The following KHDRBS2 variants were observed in gnomAD, a reference collection of about 807,000 sequenced individuals.
The protein encoded by KHDRBS2 is KH RNA binding domain containing, signal transduction associated 2, also known as KH domain-containing, RNA-binding, signal transduction-associated protein 2.
KHDRBS2 carries 26 observed loss-of-function variants against 44.3 expected under a neutral mutation model. The observed-to-expected ratio is 0.59, with a 90% confidence interval of 0.43 to 0.81. KHDRBS2 has a LOEUF of 0.81. KHDRBS2 is among the 40% of genes least tolerant of loss of function. The probability of loss-of-function intolerance (pLI) is 0.00; values close to 1 mark genes in which losing one functional copy is unlikely to be tolerated. For missense variants in KHDRBS2, 476 were observed against 433.1 expected, an observed-to-expected ratio of 1.10 and a Z score of -0.88; for synonymous variants, 194 against 151.1, an observed-to-expected ratio of 1.28 and a Z score of -2.08.
the KHDRBS2 span, among the ~76,000 whole-genome samples, chr6:61,575,078 A>G: frequency 2.6e-5 from 4 of 152,256 alleles, no homozygotes; most frequent in Non-Finnish European, 5.9e-5. Flanking sequence ...CCAAGAACCC[A>G]AAAGCAAATA....
At chr6:61,677,832 GCCTATTCC>G (rs1227070036), downstream of KHDRBS2, among the ~76,000 whole-genome samples, 1 of 151,756 alleles carries the variant, frequency 6.6e-6, no homozygotes, top group African/African-American at 2.4e-5. Context: ...AACTGAGACA[GCCTATTCC>G]CCTCACCAGG....
At chr6:62,068,736 C>T (rs899484181) in intron 2 of KHDRBS2, among the ~76,000 whole-genome samples, 1 of 151,468 alleles carries the variant, frequency 6.6e-6, no homozygotes. Flanking sequence ...TTCCCAGTAC[C>T]ATTTGTTGAA....
chr6:61,707,875 C>T (rs181329039), intron 7 of KHDRBS2, among the ~76,000 whole-genome samples: 172 of 151,726 alleles, frequency 1.1e-3, no homozygotes, highest in African/African-American at 3.9e-3. Context: ...ATATTCTATA[C>T]GTAACTGCTA....
intron 2 of KHDRBS2, among the ~76,000 whole-genome samples, chr6:62,109,317 C>A (rs1479514601): frequency 6.6e-6 from 1 of 151,850 alleles, no homozygotes; most frequent in African/African-American, 2.4e-5. Context: ...AAAAAAAGTA[C>A]TTTCCAATCT....
intron 2 of KHDRBS2, among the ~76,000 whole-genome samples, chr6:62,139,388 T>C (rs1584917725): frequency 1.3e-5 from 2 of 151,918 alleles, no homozygotes; most frequent in African/African-American, 4.8e-5. Context: ...CCGTCTCTAC[T>C]AAAAATACAA....
At chr6:61,855,486 A>G (rs1320181561) in intron 6 of KHDRBS2, among the ~76,000 whole-genome samples, 1 of 96,344 alleles carries the variant, frequency 1.0e-5, no homozygotes, top group Admixed American at 9.7e-5. Context: ...ATGTGTGTGT[A>G]TATGTATATA....
chr6:61,763,236 A>G (rs1483932893), intron 6 of KHDRBS2, among the ~76,000 whole-genome samples: 1 of 152,192 alleles, frequency 6.6e-6, no homozygotes, highest in Non-Finnish European at 1.5e-5. Flanking sequence ...TTTGATCACT[A>G]GAGTGTTCTT....
At chr6:62,111,133 T>C (rs914886654) in intron 2 of KHDRBS2, among the ~76,000 whole-genome samples, 3 of 152,126 alleles carry the variant, frequency 2.0e-5, no homozygotes, top group Admixed American at 2.0e-4. Context: ...CACTATATGC[T>C]TTGTAGATAT....
intron 6 of KHDRBS2, among the ~76,000 whole-genome samples, chr6:61,868,949 T>C (rs1798193742): frequency 6.6e-6 from 1 of 152,162 alleles, no homozygotes; most frequent in Admixed American, 6.5e-5. Context: ...GCTCTGTATG[T>C]TGGACCCAAG....
intron 3 of KHDRBS2, among the ~76,000 whole-genome samples, chr6:62,004,072 C>T (rs2127261904): frequency 6.6e-6 from 1 of 152,038 alleles, no homozygotes; most frequent in East Asian, 1.9e-4. Flanking sequence ...AAATTGACAC[C>T]CTAACATCAG....
rs546176615 is a variant in KHDRBS2, at chr6:62,169,466, G to A, written c.219+7719C>T. Among the ~76,000 whole-genome samples, 29 of 152,108 alleles carry A rather than the reference G, an allele frequency of 1.9e-4. No homozygotes were observed. The East Asian group carries it at 4.7e-3, about 25-fold the overall frequency. On this transcript the variant is annotated intron_variant, in intron 2 of 8. Transcript: ENST00000281156. ...CTCATGTGTACTGCTCTCATGGAGAGGAAAGAAAAGGGCTAGTGAACACTG... is the reference window on the plus strand; with the variant it reads ...CTCATGTGTACTGCTCTCATGGAGAAGAAAGAAAAGGGCTAGTGAACACTG...
At chr6:61,606,102 C>T in the KHDRBS2 span, among the ~76,000 whole-genome samples, 6 of 152,144 alleles carry the variant, frequency 3.9e-5, no homozygotes, top group Non-Finnish European at 8.8e-5. Flanking sequence ...GAGAACAACC[C>T]CCTTTGACTG....
At chr6:62,212,800 T>C (rs369408711) in intron 1 of KHDRBS2, among the ~76,000 whole-genome samples, 1 of 152,118 alleles carries the variant, frequency 6.6e-6, no homozygotes, top group African/African-American at 2.4e-5. Flanking sequence ...AGAACTGTAA[T>C]ACAATAAATC....
chr6:62,252,058 T>C (rs1305322845), intron 1 of KHDRBS2, among the ~76,000 whole-genome samples: 1 of 151,876 alleles, frequency 6.6e-6, no homozygotes, highest in East Asian at 1.9e-4. Flanking sequence ...CATAATAATA[T>C]TTATTGACTA....
intron 1 of KHDRBS2, among the ~76,000 whole-genome samples, chr6:62,244,243 T>G (rs1585388962): frequency 1.3e-5 from 2 of 152,290 alleles, no homozygotes; most frequent in East Asian, 3.9e-4. Flanking sequence ...AAACCTGAGA[T>G]ATTTCTGTAT....
chr6:62,169,040 T>A (rs1195727831), intron 2 of KHDRBS2, among the ~76,000 whole-genome samples: 1 of 138,622 alleles, frequency 7.2e-6, no homozygotes, highest in Admixed American at 7.2e-5. Context: ...CAGTCATATA[T>A]ATATATATAT....
intron 6 of KHDRBS2, among the ~76,000 whole-genome samples, chr6:61,832,121 C>A (rs866712582): frequency 1.3e-5 from 2 of 152,126 alleles, no homozygotes; most frequent in South Asian, 4.2e-4. Context: ...GTGGTCCCAG[C>A]GACACAGGAG....
chr6:61,792,286 T>C (rs1784738999), intron 6 of KHDRBS2, among the ~76,000 whole-genome samples: 1 of 151,556 alleles, frequency 6.6e-6, no homozygotes, highest in African/African-American at 2.4e-5. Context: ...CATATTTATT[T>C]CTATATTAGT....
chr6:61,949,247 T>C (rs1190218699), intron 4 of KHDRBS2, among the ~76,000 whole-genome samples: 5 of 152,154 alleles, frequency 3.3e-5, no homozygotes, highest in Non-Finnish European at 7.3e-5. Context: ...GGTATTATTT[T>C]GACTTGTGAC....
Sources: gnomAD v4.1 joint callset for allele counts (sites outside exome capture counted in the v4.1 genomes callset) on GRCh38, gnomAD v4.1.1 for gene constraint, MANE v1.5 for transcripts, NCBI Gene and HGNC (gene_info 2026-07-23, HGNC 2026-07-21) for gene names.